TCAIM: variants seen among roughly 807,000 people sequenced by gnomAD.
TCAIM encodes T cell activation inhibitor, mitochondrial, also known as T-cell activation inhibitor, mitochondrial.
In TCAIM, 36 loss-of-function variants were observed where a neutral mutation model predicts 58.6. That is an observed-to-expected ratio of 0.61 (90% confidence interval 0.47 to 0.81). The LOEUF (loss-of-function observed/expected upper bound fraction) is 0.81, where lower values mean the gene tolerates loss of function less well. Among genes scored for constraint, TCAIM ranks in the 30% least tolerant of loss-of-function variants. TCAIM has a pLI of 0.00. For missense variants in TCAIM, 466 were observed against 579.6 expected, an observed-to-expected ratio of 0.80 and a Z score of 2.01; for synonymous variants, 172 against 193.6, an observed-to-expected ratio of 0.89 and a Z score of 0.93.
intron 2 of TCAIM, 125 bp downstream of exon 2, chr3:44,354,936 C>T: frequency 8.6e-7 from 1 of 1,162,376 alleles, no homozygotes; most frequent in Non-Finnish European, 1.2e-6. Flanking sequence ...AAAGCTGGAA[C>T]AAAAAGAAAG....
At chr3:44,346,746 A>C (rs990386037) in intron 1 of TCAIM, among the ~76,000 whole-genome samples, 1 of 152,228 alleles carries the variant, frequency 6.6e-6, no homozygotes, top group African/African-American at 2.4e-5. Flanking sequence ...GCGTGCAGAC[A>C]TGAAGGCTAG....
chr3:44,349,041 G>A (rs1001717624), intron 1 of TCAIM, among the ~76,000 whole-genome samples: 37 of 152,132 alleles, frequency 2.4e-4, no homozygotes, highest in African/African-American at 8.9e-4. Flanking sequence ...GGGAGCGGAG[G>A]CTAAGGAAGA....
chr3:44,367,799 A>G, intron 5 of TCAIM, 91 bp downstream of exon 5: 1 of 1,297,586 alleles, frequency 7.7e-7, no homozygotes, highest in Middle Eastern at 2.6e-4. Context: ...TTTTTTATAA[A>G]TAAAAAGTGT....
chr3:44,352,522 TAA>T (rs1446616530), intron 1 of TCAIM, among the ~76,000 whole-genome samples: 1 of 152,132 alleles, frequency 6.6e-6, no homozygotes, highest in East Asian at 1.9e-4. Context: ...TAGCAGAAAG[TAA>T]AGAGAGTTTC....
intron 5 of TCAIM, among the ~76,000 whole-genome samples, chr3:44,368,679 A>T (rs1172956185): frequency 3.3e-5 from 5 of 152,196 alleles, no homozygotes; most frequent in Admixed American, 2.6e-4. Context: ...TGGGTTTGGG[A>T]ATAACAATTT....
chr3:44,364,954 T>G (rs1456515760), intron 4 of TCAIM, among the ~76,000 whole-genome samples: 2 of 152,138 alleles, frequency 1.3e-5, no homozygotes, highest in African/African-American at 4.8e-5. Flanking sequence ...GCCACAAAAT[T>G]CTTCTTGGAA....
rs749733896 is a variant in TCAIM at position 44,400,607 on chromosome 3, G to A, written c.1118+20G>A. ...TAACAGGTAAATATCTAAGATAGAA[G>A]GATTACTTTTATTCCTTCGTCTAGG... On this transcript the variant is annotated intron_variant, in intron 9 of 10. Transcript: ENST00000342649. 6.3e-7 allele frequency: 1 copy of A among 1,590,848 alleles called. No homozygotes were observed. Among genetic ancestry groups the A allele is most frequent in the Non-Finnish European group, 8.6e-7 (1 of 1,160,552 alleles).
In TCAIM at chr3:44,367,586, CAAAG is replaced by C. The variant is rs1291913240; in HGVS notation, c.453_456del (p.Glu152LeufsTer42). On this transcript the variant is annotated frameshift_variant, in exon 5 of 11. Coordinates refer to ENST00000342649, the MANE Select transcript of TCAIM (RefSeq NM_173826.4). LOFTEE classifies it high-confidence loss of function. Reference sequence around the variant, plus strand: ...ATACTAATATGCATACCCAGCCTCTCAAAGAAGCTAAAAGGATGCCTGACAGGCC... The same window carrying C: ...ATACTAATATGCATACCCAGCCTCTCAAGCTAAAAGGATGCCTGACAGGCC... The C allele has an allele frequency of 6.2e-7, 1 of 1,614,096 alleles. No homozygotes were observed.
At chr3:44,396,677 A>C (rs1012412504) in intron 7 of TCAIM, 66 bp from the exon 8 acceptor site, 1 of 1,551,400 alleles carries the variant, frequency 6.4e-7, no homozygotes, top group Admixed American at 1.7e-5. Flanking sequence ...TTTATACACT[A>C]TTTGCACAAT....
intron 10 of TCAIM, among the ~76,000 whole-genome samples, chr3:44,406,992 C>T (rs1183176395): frequency 6.6e-6 from 1 of 152,092 alleles, no homozygotes; most frequent in Non-Finnish European, 1.5e-5. Flanking sequence ...GTGAAGAGAA[C>T]CTGTCCTCCT....
intron 4 of TCAIM, among the ~76,000 whole-genome samples, chr3:44,366,649 G>A (rs1701382335): frequency 6.6e-6 from 1 of 150,628 alleles, no homozygotes; most frequent in African/African-American, 2.4e-5. Context: ...TGTATTTTTA[G>A]TAGAGACGGG....
intron 5 of TCAIM, among the ~76,000 whole-genome samples, chr3:44,379,845 C>T (rs555928401): frequency 6.6e-5 from 10 of 152,114 alleles, no homozygotes; most frequent in African/African-American, 2.2e-4. Flanking sequence ...TGTAACAAAC[C>T]TGCACATGTA....
chr3:44,402,656 T>C, intron 10 of TCAIM, among the ~76,000 whole-genome samples: 1 of 152,162 alleles, frequency 6.6e-6, no homozygotes, highest in Non-Finnish European at 1.5e-5. Context: ...GATCTCTGCC[T>C]CCTGGAATTG....
chr3:44,367,787 A>T (rs1275942442), intron 5 of TCAIM, 79 bp downstream of exon 5: 3 of 1,355,186 alleles, frequency 2.2e-6, no homozygotes, highest in Non-Finnish European at 2.9e-6. Flanking sequence ...TGGCAAAAAC[A>T]TTTTTTTATA....
intron 1 of TCAIM, among the ~76,000 whole-genome samples, chr3:44,348,427 G>A (rs1701017271): frequency 6.6e-6 from 1 of 152,242 alleles, no homozygotes; most frequent in African/African-American, 2.4e-5. Context: ...GGCCTAGGAG[G>A]AATCCTGGGC....
intron 1 of TCAIM, among the ~76,000 whole-genome samples, chr3:44,350,028 G>T (rs1701055136): frequency 6.6e-6 from 1 of 152,200 alleles, no homozygotes; most frequent in Non-Finnish European, 1.5e-5. Flanking sequence ...AGCACCAAAT[G>T]TCATGTGCGT....
At position 44,366,756 on chromosome 3, in the gene TCAIM, G is replaced by A. The variant is rs190887975; in HGVS notation, c.320-700G>A. On this transcript the variant is annotated intron_variant, in intron 4 of 10. Transcript: ENST00000342649. ...GCTGGGATTACAGGCATGAGCCACC[G>A]CGCCCGGCCTAATTTTTGTATTTTT... 9.7e-3 allele frequency among the ~76,000 whole-genome samples: 1,462 copies of A among 151,356 alleles called. 12 individuals are homozygous for A. Among genetic ancestry groups the A allele is most frequent in the Non-Finnish European group, 0.013 (878 of 67,852 alleles).
intron 5 of TCAIM, 71 bp from the exon 6 acceptor site, chr3:44,392,784 A>G (rs750454042): frequency 1.5e-5 from 21 of 1,418,968 alleles, no homozygotes; most frequent in Non-Finnish European, 1.6e-5. Flanking sequence ...AAGTGCATGC[A>G]TGTGTCTTTT....
Position 44,357,781 on chromosome 3 carries a change from T to G in TCAIM, c.70T>G (p.Ser24Ala). The G allele has an allele frequency of 6.2e-7, 1 of 1,614,168 alleles. No individual in the cohort carries two copies. Among genetic ancestry groups the G allele is most frequent in the African/African-American group, 1.3e-5 (1 of 75,066 alleles). The change falls in exon 3 of 11, where the codon TCA (serine) becomes GCA (alanine). Residue 24 changes from serine (S) to alanine (A), a missense_variant. Ser to Ala is a moderately conservative substitution (Grantham distance 99). Coordinates refer to ENST00000342649, the MANE Select transcript of TCAIM (RefSeq NM_173826.4). ...GATATTTCCACACTGGTTTCCCTTT[T>G]CAAGAGCTTTATCGGGAGCTGAAGC... ...EKIFPHWFPF[S>A]RALSGAEAVN...
Sources: allele counts gnomAD v4.1 joint callset (sites outside exome capture counted in the v4.1 genomes callset), GRCh38; gene constraint gnomAD v4.1.1; transcripts MANE v1.5; gene names NCBI Gene and HGNC (gene_info 2026-07-23, HGNC 2026-07-21).